LGR5: variants seen among roughly 807,000 people sequenced by gnomAD.
The protein encoded by LGR5 is leucine rich repeat containing G protein-coupled receptor 5, also known as leucine-rich repeat-containing G protein-coupled receptor 5.
Under a neutral mutation model 76.7 loss-of-function variants are expected in LGR5, and 54 were observed. That is an observed-to-expected ratio of 0.70 (90% confidence interval 0.57 to 0.88). The LOEUF (loss-of-function observed/expected upper bound fraction) is 0.88, where lower values mean the gene tolerates loss of function less well. LGR5 is among the 40% of genes least tolerant of loss of function. LGR5 has a pLI of 0.00. For missense variants in LGR5, 1,078 were observed against 1,073.3 expected (o/e 1.00, Z -0.06); for synonymous variants, 406 against 421.9 (o/e 0.96, Z 0.46).
At position 71,580,295 on chromosome 12, in the gene LGR5, A is replaced by T. The variant is rs1879035100; in HGVS notation, c.1424A>T (p.Tyr475Phe). ...ATTTAAAGGGTTATAGAAATGCCTT[A>T]TGCTTACCAGTGCTGTGCATTTGGA... is the stretch of plus-strand genomic sequence containing the variant. ...FPELKVIEMP[Y>F]AYQCCAFGVC... The change falls in exon 16 of 18, where the codon TAT becomes TTT. Residue 475 changes from tyrosine (Y) to phenylalanine (F), a missense_variant. Tyr to Phe is a conservative substitution (Grantham distance 22). Coordinates refer to ENST00000266674, the MANE Select transcript of LGR5 (RefSeq NM_003667.4). 6.2e-7 allele frequency: 1 copy of T among 1,612,550 alleles called. No homozygotes were observed. The highest frequency in any genetic ancestry group is 8.5e-7 in the Non-Finnish European group (1 of 1,179,476).
chr12:71,534,967 C>CT, intron 3 of LGR5, 148 bp from the exon 4 acceptor site: 2 of 543,634 alleles, frequency 3.7e-6, no homozygotes, highest in South Asian at 4.7e-5. Flanking sequence ...ATTATCTTCA[C>CT]TCTTCACAGG....
intron 1 of LGR5, among the ~76,000 whole-genome samples, chr12:71,458,784 A>G (rs1461120700): frequency 6.6e-6 from 1 of 152,172 alleles, no homozygotes; most frequent in Non-Finnish European, 1.5e-5. Context: ...ATAGCAGTTT[A>G]CAAGATGTAC....
At chr12:71,466,899 A>C (rs1872888714) in intron 1 of LGR5, among the ~76,000 whole-genome samples, 1 of 152,094 alleles carries the variant, frequency 6.6e-6, no homozygotes, top group Non-Finnish European at 1.5e-5. Context: ...TCTGACTTTA[A>C]AGTTGTAGTG....
chr12:71,489,305 C>A (rs964416364), intron 1 of LGR5, among the ~76,000 whole-genome samples: 3 of 152,136 alleles, frequency 2.0e-5, no homozygotes, highest in Non-Finnish European at 2.9e-5. Context: ...TAATGGCGTA[C>A]AGGACTTTTA....
At chr12:71,548,926 G>T (rs1001179932) in intron 4 of LGR5, among the ~76,000 whole-genome samples, 2 of 151,982 alleles carry the variant, frequency 1.3e-5, no homozygotes, top group African/African-American at 4.8e-5. Context: ...TATTTTTGTT[G>T]CTACTGATAA....
At chr12:71,562,351 G>A (rs944050004) in intron 8 of LGR5, among the ~76,000 whole-genome samples, 1 of 152,146 alleles carries the variant, frequency 6.6e-6, no homozygotes, top group Non-Finnish European at 1.5e-5. Flanking sequence ...ATACAAACTA[G>A]GATGTAATTC....
chr12:71,470,940 A>G (rs181338078), intron 1 of LGR5, among the ~76,000 whole-genome samples: 5 of 152,222 alleles, frequency 3.3e-5, no homozygotes, highest in African/African-American at 1.2e-4. Flanking sequence ...CTCCCCTCCA[A>G]TGAGCTCCCG....
intron 7 of LGR5, among the ~76,000 whole-genome samples, 172 bp from the exon 8 acceptor site, chr12:71,561,609 T>TA (rs1334948138): frequency 6.6e-6 from 1 of 152,198 alleles, no homozygotes; most frequent in Non-Finnish European, 1.5e-5. Context: ...TGACTTTTTT[T>TA]ATCCTCTAGA....
Position 71,484,422 on chromosome 12 carries a change from C to G in LGR5, c.213-20192C>G, listed in dbSNP as rs537851832. On this transcript the variant is annotated intron_variant, in intron 1 of 17. Transcript: ENST00000266674. ...ACTATTAATATTTGAGCTTTTAAATCTGTTTTCCCACATTATTGCCAGCCC... is the reference window on the plus strand; with the variant it reads ...ACTATTAATATTTGAGCTTTTAAATGTGTTTTCCCACATTATTGCCAGCCC... Among the ~76,000 whole-genome samples, 3 of 152,302 alleles carry G rather than the reference C, an allele frequency of 2.0e-5. No homozygotes were observed. In the East Asian group the frequency reaches 5.8e-4, roughly 29 times the overall value.
chr12:71,547,877 G>A lies in LGR5; in HGVS notation c.429-5196G>A, dbSNP rs191180686. Among the ~76,000 whole-genome samples, 3 of 152,280 alleles carry A rather than the reference G, an allele frequency of 2.0e-5. No individual in the cohort carries two copies. The East Asian group carries it at 5.8e-4, about 29-fold the overall frequency. On this transcript the variant is annotated intron_variant, in intron 4 of 17. Transcript: ENST00000266674. ...CTGCCTTGGCCTCCCAAAGTGCTAG[G>A]CCTCAATTATGTAGGTGGCTGTAGA...
rs79973729 is a variant in LGR5 at position 71,513,189 on chromosome 12, C to G, written c.284+8504C>G. On this transcript the variant is annotated intron_variant, in intron 2 of 17. Coordinates refer to ENST00000266674, the MANE Select transcript of LGR5 (RefSeq NM_003667.4). ...CAGAAAAAAAGAAAAGGTGTGAGGA[C>G]AGAAACTTGAGGAACATCTATGGTT... 1.6e-3 allele frequency among the ~76,000 whole-genome samples: 249 copies of G among 152,076 alleles called. 3 individuals carry two copies. The East Asian group carries it at 0.025, about 15-fold the overall frequency.
At chr12:71,445,580 A>T (rs770116290) in intron 1 of LGR5, among the ~76,000 whole-genome samples, 1 of 152,246 alleles carries the variant, frequency 6.6e-6, no homozygotes, top group Non-Finnish European at 1.5e-5. Flanking sequence ...TTAAATTCTC[A>T]TAATTCAAAA....
intron 4 of LGR5, 82 bp downstream of exon 4, chr12:71,535,268 T>C: frequency 2.1e-6 from 2 of 943,962 alleles, no homozygotes; most frequent in South Asian, 2.7e-5. Flanking sequence ...CATTTTAGTA[T>C]GTTCCTTGGT....
At chr12:71,500,935 C>T (rs554451055) in intron 1 of LGR5, among the ~76,000 whole-genome samples, 104 of 152,266 alleles carry the variant, frequency 6.8e-4, no homozygotes, top group Admixed American at 4.3e-3. Flanking sequence ...CTTGTCACAA[C>T]GGAAATCAAT....
At chr12:71,490,121 C>A (rs1874002039) in intron 1 of LGR5, among the ~76,000 whole-genome samples, 1 of 95,700 alleles carries the variant, frequency 1.0e-5, no homozygotes, top group African/African-American at 4.3e-5. Flanking sequence ...CAGATTGAGA[C>A]CCAGCCTCAA....
chr12:71,482,127 A>G (rs901489192), intron 1 of LGR5, among the ~76,000 whole-genome samples: 1 of 152,126 alleles, frequency 6.6e-6, no homozygotes, highest in African/African-American at 2.4e-5. Flanking sequence ...TTTTTCTTTC[A>G]TCAAAAAGGC....
chr12:71,502,276 C>A (rs1339757266), intron 1 of LGR5, among the ~76,000 whole-genome samples: 2 of 149,756 alleles, frequency 1.3e-5, no homozygotes, highest in Non-Finnish European at 3.0e-5. Flanking sequence ...CAGCTCACTG[C>A]AACCTCTGCC....
chr12:71,536,956 T>C (rs1447290341), intron 4 of LGR5, among the ~76,000 whole-genome samples: 1 of 152,174 alleles, frequency 6.6e-6, no homozygotes, highest in African/African-American at 2.4e-5. Context: ...AGGGTTAACT[T>C]TCTGGTTTGA....
intron 9 of LGR5, 41 bp downstream of exon 9, chr12:71,566,516 G>C: frequency 6.5e-7 from 1 of 1,549,634 alleles, no homozygotes; most frequent in Non-Finnish European, 8.9e-7. Context: ...TCCCTCTACA[G>C]GGTTGCTGTG....
Sources: gnomAD v4.1 joint callset for allele counts (sites outside exome capture counted in the v4.1 genomes callset) on GRCh38, gnomAD v4.1.1 for gene constraint, MANE v1.5 for transcripts, NCBI Gene and HGNC (gene_info 2026-07-23, HGNC 2026-07-21) for gene names.